Variants in PCDHA10 observed in about 807,000 individuals in gnomAD.
PCDHA10 encodes the protein protocadherin alpha-10.
Under a neutral mutation model 61.2 loss-of-function variants are expected in PCDHA10, and 45 were observed. That is an observed-to-expected ratio of 0.74 (90% confidence interval 0.58 to 0.94). PCDHA10 has a LOEUF of 0.94. Among genes scored for constraint, PCDHA10 ranks in the 40% least tolerant of loss-of-function variants. The pLI, the probability that PCDHA10 is intolerant of heterozygous loss-of-function variation, is 0.00. For missense variants in PCDHA10, 1,278 were observed against 1,236.2 expected (o/e 1.03, Z -0.51); for synonymous variants, 602 against 548.8 (o/e 1.10, Z -1.35).
At chr5:140,894,140 C>T (rs1004427236) in intron 1 of PCDHA10, among the ~76,000 whole-genome samples, 2 of 151,956 alleles carry the variant, frequency 1.3e-5, no homozygotes, top group Admixed American at 6.6e-5. Context: ...GAAATAATTC[C>T]CTTCTATGTA....
chr5:140,955,956 G>C (rs2095241724), intron 1 of PCDHA10, among the ~76,000 whole-genome samples: 1 of 152,050 alleles, frequency 6.6e-6, no homozygotes, highest in Admixed American at 6.6e-5. Flanking sequence ...CTTGCTTGTT[G>C]TTTGTGCATA....
intron 1 of PCDHA10, among the ~76,000 whole-genome samples, chr5:140,873,370 T>A (rs2054256707): frequency 6.6e-6 from 1 of 152,166 alleles, no homozygotes; most frequent in Non-Finnish European, 1.5e-5. Flanking sequence ...TAACTGAAGA[T>A]CTTTTAAAGA....
intron 3 of PCDHA10, among the ~76,000 whole-genome samples, chr5:141,006,417 G>A (rs1010340395): frequency 6.6e-6 from 1 of 152,030 alleles, no homozygotes; most frequent in Admixed American, 6.6e-5. Flanking sequence ...GTTTCACTGT[G>A]TTAGCCAGGA....
chr5:140,898,414 C>T (rs1554187972), intron 1 of PCDHA10, among the ~76,000 whole-genome samples: 1 of 152,170 alleles, frequency 6.6e-6, no homozygotes, highest in Non-Finnish European at 1.5e-5. Flanking sequence ...ATACGGCTAG[C>T]CAGTTTTCCC....
chr5:140,879,539 A>G (rs1554170849), intron 1 of PCDHA10, among the ~76,000 whole-genome samples: 1 of 152,238 alleles, frequency 6.6e-6, no homozygotes, highest in Non-Finnish European at 1.5e-5. Flanking sequence ...CAACTCCTTT[A>G]GAGAAAAAAA....
At chr5:140,886,201 T>C (rs1224274096) in intron 1 of PCDHA10, among the ~76,000 whole-genome samples, 2 of 152,140 alleles carry the variant, frequency 1.3e-5, no homozygotes, top group African/African-American at 2.4e-5. Flanking sequence ...AGTAATCTGT[T>C]CTCCATTTCT....
chr5:141,002,614 T>C (rs2098088159), intron 3 of PCDHA10, among the ~76,000 whole-genome samples: 1 of 152,130 alleles, frequency 6.6e-6, no homozygotes, highest in Non-Finnish European at 1.5e-5. Context: ...AACAGACACA[T>C]AACACAGACA....
intron 1 of PCDHA10, among the ~76,000 whole-genome samples, chr5:140,921,524 T>C (rs2080251541): frequency 6.6e-6 from 1 of 152,164 alleles, no homozygotes; most frequent in South Asian, 2.1e-4. Flanking sequence ...GAAATAAAAA[T>C]CTGCTGATAG....
chr5:141,005,714 A>AAG (rs2098233543), intron 3 of PCDHA10, among the ~76,000 whole-genome samples: 1 of 148,328 alleles, frequency 6.7e-6, no homozygotes, highest in Non-Finnish European at 1.5e-5. Flanking sequence ...AAAAAAAAAA[A>AAG]AAAAAAAAAA....
chr5:140,989,528 G>A (rs1451731382), intron 3 of PCDHA10, among the ~76,000 whole-genome samples: 2 of 152,178 alleles, frequency 1.3e-5, no homozygotes, highest in African/African-American at 4.8e-5. Context: ...GGCAGAGGAG[G>A]AAGATAGTTT....
rs200253752 is a variant in PCDHA10, at chr5:140,890,259, T to TA, written c.2388+31823_2388+31824insA. ...TTTACCAGTACACTACTGCACCTGA[T>TA]TGCAAGCAAGAACCACTCAGTTGAG... On this transcript the variant is annotated intron_variant, in intron 1 of 3. Coordinates refer to ENST00000307360, the MANE Select transcript of PCDHA10 (RefSeq NM_018901.4). Among the ~76,000 whole-genome samples the TA allele has an allele frequency of 8.0e-3, 1,219 of 152,258 alleles. 6 individuals carry two copies. Among genetic ancestry groups the TA allele is most frequent in the African/African-American group, 0.019 (787 of 41,546 alleles).
At chr5:140,964,844 A>G (rs2095857701) in intron 1 of PCDHA10, among the ~76,000 whole-genome samples, 1 of 152,160 alleles carries the variant, frequency 6.6e-6, no homozygotes, top group Admixed American at 6.5e-5. Flanking sequence ...CCTACTCTGT[A>G]CCCTTGAGGA....
At position 140,857,332 on chromosome 5, in the gene PCDHA10, C is replaced by G. The variant is rs782461373; in HGVS notation, c.1284C>G (p.Asp428Glu). The G allele has an allele frequency of 1.9e-6, 3 of 1,598,330 alleles. 1 individual carries two copies. The highest frequency in any genetic ancestry group is 2.6e-6 in the Non-Finnish European group (3 of 1,167,876). The change falls in exon 1 of 4, where the codon GAC (aspartate) becomes GAG (glutamate). Residue 428 changes from aspartate to glutamate, a missense_variant. Transcript: ENST00000307360. Reference sequence around the variant, plus strand: ...ATGAGCTGGTGGTGACCGCGCGGGACGGGGGCTCGCCTCCGCTGTGGGCCA... The same window carrying G: ...ATGAGCTGGTGGTGACCGCGCGGGAGGGGGGCTCGCCTCCGCTGTGGGCCA... ...SAYELVVTAR[D>E]GGSPPLWATA... is the part of the protein sequence containing the mutation.
chr5:140,899,005 G>A (rs1220603725), intron 1 of PCDHA10, among the ~76,000 whole-genome samples: 1 of 151,848 alleles, frequency 6.6e-6, no homozygotes, highest in Non-Finnish European at 1.5e-5. Context: ...TGTTATTGGT[G>A]TATAAGAATG....
rs146613275 is a variant in PCDHA10, at chr5:140,871,400, C to G, written c.2388+12964C>G. ...TGCTCTGAGGAGGGCCCACCTAAGA[C>G]GGACCTCATGGCCTTCAGCCCCAGT... On this transcript the variant is annotated intron_variant, in intron 1 of 3. Transcript: ENST00000307360. The G allele has an allele frequency of 1.8e-4, 284 of 1,614,130 alleles. 1 individual carries two copies. The African/African-American group carries it at 2.8e-3, about 16-fold the overall frequency.
At chr5:140,876,499 G>T in intron 1 of PCDHA10, 1 of 1,614,028 alleles carries the variant, frequency 6.2e-7, no homozygotes, top group South Asian at 1.1e-5. Flanking sequence ...AGTTCTGGAC[G>T]TGAATGACAA....
chr5:140,959,525 C>G (rs1356711808), intron 1 of PCDHA10, among the ~76,000 whole-genome samples: 1 of 151,910 alleles, frequency 6.6e-6, no homozygotes, highest in Non-Finnish European at 1.5e-5. Flanking sequence ...TCTTTAAGAC[C>G]ATTAATTCAG....
At chr5:140,918,789 G>A (rs1453306973) in intron 1 of PCDHA10, among the ~76,000 whole-genome samples, 7 of 142,426 alleles carry the variant, frequency 4.9e-5, no homozygotes, top group African/African-American at 1.9e-4. Flanking sequence ...TGAGGACACA[G>A]CAAAAATGTG....
At chr5:140,917,739 T>C (rs1554198287) in intron 1 of PCDHA10, among the ~76,000 whole-genome samples, 1 of 152,222 alleles carries the variant, frequency 6.6e-6, no homozygotes, top group African/African-American at 2.4e-5. Flanking sequence ...CTCTAACCTG[T>C]CCCATTGGTC....
Sources: allele counts gnomAD v4.1 joint callset (sites outside exome capture counted in the v4.1 genomes callset), GRCh38; gene constraint gnomAD v4.1.1; transcripts MANE v1.5; gene names NCBI Gene and HGNC (gene_info 2026-07-23, HGNC 2026-07-21).